PKP2: variants seen among roughly 807,000 people sequenced by gnomAD.
The protein encoded by PKP2 is plakophilin-2.
A neutral mutation model predicts 83.4 loss-of-function variants in PKP2; 73 were observed. The ratio of observed to expected loss-of-function variants is 0.88; its 90% CI spans 0.72 to 1.06. The LOEUF is 1.06. Among genes scored for constraint, PKP2 ranks in the 50% least tolerant of loss-of-function variants. PKP2 has a pLI of 0.00. For synonymous variants in PKP2, 409 were observed against 430.4 expected (o/e 0.95, Z 0.62); for missense variants, 966 against 1,065.4 (o/e 0.91, Z 1.30).
At chr12:32,873,468 C>A (rs1956910093) in intron 3 of PKP2, among the ~76,000 whole-genome samples, 1 of 151,970 alleles carries the variant, frequency 6.6e-6, no homozygotes, top group Non-Finnish European at 1.5e-5. Context: ...GATGATATAT[C>A]CTATTTTTCA....
intron 4 of PKP2, among the ~76,000 whole-genome samples, chr12:32,862,088 G>C (rs1246148835): frequency 6.6e-6 from 1 of 151,940 alleles, no homozygotes; most frequent in African/African-American, 2.4e-5. Context: ...GTAGAGACAG[G>C]GTTTTACCAT....
chr12:32,824,589 T>C (rs1040444314), intron 6 of PKP2, among the ~76,000 whole-genome samples: 1 of 152,246 alleles, frequency 6.6e-6, no homozygotes, highest in East Asian at 1.9e-4. Context: ...CTCAGTTTCC[T>C]CACTTGTAAA....
chr12:32,821,258 C>A (rs773688849), intron 9 of PKP2, 98 bp downstream of exon 9: 57 of 1,129,974 alleles, frequency 5.0e-5, no homozygotes, highest in Non-Finnish European at 1.3e-5. Context: ...AAATAAGAAA[C>A]CTTTTTCTCT....
intron 6 of PKP2, among the ~76,000 whole-genome samples, chr12:32,833,463 T>C (rs1268478820): frequency 1.3e-5 from 2 of 152,126 alleles, no homozygotes; most frequent in East Asian, 3.9e-4. Flanking sequence ...TAGCTCATAT[T>C]GATATTCCAA....
intron 3 of PKP2, among the ~76,000 whole-genome samples, chr12:32,875,355 G>A (rs1956922756): frequency 6.6e-6 from 1 of 152,150 alleles, no homozygotes; most frequent in Non-Finnish European, 1.5e-5. Context: ...AAGAAGGAAA[G>A]AGAGAGAGAA....
intron 4 of PKP2, among the ~76,000 whole-genome samples, chr12:32,857,852 G>C (rs1011615078): frequency 6.6e-6 from 1 of 151,036 alleles, no homozygotes; most frequent in Non-Finnish European, 1.5e-5. Flanking sequence ...TAGAAATCTA[G>C]CCCAACTTGG....
chr12:32,845,953 G>T (rs756360607), intron 5 of PKP2, among the ~76,000 whole-genome samples: 1 of 151,834 alleles, frequency 6.6e-6, no homozygotes, highest in African/African-American at 2.4e-5. Context: ...TTACGAATGC[G>T]GAATAAAATA....
At chr12:32,846,745 CAAAA>C (rs574053559) in intron 5 of PKP2, among the ~76,000 whole-genome samples, 1 of 74,892 alleles carries the variant, frequency 1.3e-5, no homozygotes. Context: ...AACTTCTTCT[CAAAA>C]AAAAAAAAAA....
At position 32,792,463 on chromosome 12, in the gene PKP2, G is replaced by A; in HGVS notation, c.2475C>T (p.Asn825=). Residue 825 remains asparagine (N), a synonymous_variant, in exon 13 of 13, where the codon AAC becomes AAT. Coordinates refer to ENST00000340811, the MANE Select transcript of PKP2 (RefSeq NM_001005242.3). ...AGTGGTAGGCTTTGGCAGTCCGGCT[G>A]TTGACAAAATCTGTCTTCTTAAACT... The part of the protein sequence containing the change: ...KAQFKKTDFV[N]SRTAKAYHSL... 1 of 1,613,978 alleles carries A rather than the reference G, an allele frequency of 6.2e-7. No homozygotes were observed. The highest frequency in any genetic ancestry group is 1.1e-5 in the South Asian group (1 of 91,082).
chr12:32,859,304 A>C (rs1956779248), intron 4 of PKP2, among the ~76,000 whole-genome samples: 1 of 152,222 alleles, frequency 6.6e-6, no homozygotes, highest in East Asian at 1.9e-4. Flanking sequence ...AACTCAGATG[A>C]ATTAGTTCCA....
In PKP2 at chr12:32,831,442, C is replaced by A. The variant is rs527514702; in HGVS notation, c.1557-7280G>T. 1.6e-4 allele frequency among the ~76,000 whole-genome samples: 25 copies of A among 152,322 alleles called. No homozygotes were observed. The South Asian group carries it at 4.1e-3, about 25-fold the overall frequency. On this transcript the variant is annotated intron_variant, in intron 6 of 12. Coordinates refer to ENST00000340811, the MANE Select transcript of PKP2 (RefSeq NM_001005242.3). ...ATAAAACACCAATTTGAGCTATACA[C>A]AGATATTTTTCTTTAAACATGAAGA... is the stretch of plus-strand genomic sequence containing the variant.
At chr12:32,811,334 T>C (rs184525818) in intron 9 of PKP2, among the ~76,000 whole-genome samples, 203 of 152,364 alleles carry the variant, frequency 1.3e-3, no homozygotes, top group African/African-American at 4.6e-3. Flanking sequence ...AGTCAGTGTC[T>C]TTCTGAGGCA....
chr12:32,844,786 T>C (rs1312159188), intron 5 of PKP2, among the ~76,000 whole-genome samples: 1 of 152,134 alleles, frequency 6.6e-6, no homozygotes, highest in African/African-American at 2.4e-5. Context: ...CAAAACAGAC[T>C]CACAGTCTTG....
At chr12:32,826,300 C>T (rs1490917452) in intron 6 of PKP2, among the ~76,000 whole-genome samples, 1 of 113,460 alleles carries the variant, frequency 8.8e-6, no homozygotes, top group African/African-American at 3.2e-5. Context: ...AGCTAGACAC[C>T]GTCTCAAAAA....
At chr12:32,800,897 G>GTTT (rs1956172418) in intron 10 of PKP2, among the ~76,000 whole-genome samples, 3 of 152,138 alleles carry the variant, frequency 2.0e-5, no homozygotes, top group Admixed American at 6.5e-5. Flanking sequence ...TATTTCTCTA[G>GTTT]ATGTAAGTAA....
chr12:32,895,803 C>T (rs1362899203), intron 1 of PKP2, among the ~76,000 whole-genome samples: 1 of 152,206 alleles, frequency 6.6e-6, no homozygotes, highest in African/African-American at 2.4e-5. Flanking sequence ...AGGGATCAGA[C>T]TTGCATCACG....
At chr12:32,873,414 T>C (rs1014323483) in intron 3 of PKP2, among the ~76,000 whole-genome samples, 16 of 151,596 alleles carry the variant, frequency 1.1e-4, no homozygotes, top group Non-Finnish European at 2.4e-4. Context: ...TTGTGTTCTT[T>C]AAATTTCTGT....
At chr12:32,807,959 C>A (rs1370450608) in intron 9 of PKP2, among the ~76,000 whole-genome samples, 1 of 152,134 alleles carries the variant, frequency 6.6e-6, no homozygotes, top group Non-Finnish European at 1.5e-5. Flanking sequence ...CTGCCCTTAA[C>A]ACTTATTCTT....
intron 9 of PKP2, among the ~76,000 whole-genome samples, chr12:32,805,325 A>G (rs1348449964): frequency 6.6e-6 from 1 of 151,782 alleles, no homozygotes; most frequent in Non-Finnish European, 1.5e-5. Flanking sequence ...CCATTTGTCA[A>G]TTTTTGCTTT....
Sources: gnomAD v4.1 joint callset for allele counts (sites outside exome capture counted in the v4.1 genomes callset) on GRCh38, gnomAD v4.1.1 for gene constraint, MANE v1.5 for transcripts, NCBI Gene and HGNC (gene_info 2026-07-23, HGNC 2026-07-21) for gene names.